The following QTMAN variants were observed in gnomAD, a reference collection of about 807,000 sequenced individuals.
QTMAN encodes tRNA-queuosine alpha-mannosyltransferase.
the QTMAN span, among the ~76,000 whole-genome samples, chr2:144,084,572 T>C: frequency 6.6e-6 from 1 of 152,220 alleles, no homozygotes; most frequent in Admixed American, 6.5e-5. Flanking sequence ...CCCATGATGC[T>C]TGTCCGCAAA....
chr2:144,238,627 T>G, the QTMAN span, among the ~76,000 whole-genome samples: 4 of 152,180 alleles, frequency 2.6e-5, no homozygotes, highest in Non-Finnish European at 5.9e-5. Context: ...CAATGAATCC[T>G]ATTCATTTAT....
chr2:144,042,685 A>G, the QTMAN span, among the ~76,000 whole-genome samples: 1 of 151,074 alleles, frequency 6.6e-6, no homozygotes. Context: ...AATGGCGTGA[A>G]CCCGGAAGGC....
the QTMAN span, among the ~76,000 whole-genome samples, chr2:144,268,233 T>C: frequency 3.3e-5 from 5 of 152,192 alleles, no homozygotes; most frequent in Admixed American, 2.6e-4. Context: ...GCCTGCTCCC[T>C]TTCTTCTGCC....
At chr2:143,976,407 G>A in the QTMAN span, among the ~76,000 whole-genome samples, 2 of 152,130 alleles carry the variant, frequency 1.3e-5, no homozygotes, top group Admixed American at 1.3e-4. Context: ...CTAATATTCT[G>A]CTAACCTTCA....
chr2:144,327,490 C>T, the QTMAN span, among the ~76,000 whole-genome samples: 6 of 152,144 alleles, frequency 3.9e-5, no homozygotes, highest in Non-Finnish European at 8.8e-5. Flanking sequence ...GGGAGACATC[C>T]TTAAGTGTCT....
the QTMAN span, chr2:143,938,195 C>G: frequency 6.6e-6 from 1 of 152,176 alleles, no homozygotes; most frequent in Non-Finnish European, 1.5e-5. Context: ...CACAAGTTCC[C>G]CTCCATGGCT....
chr2:144,011,652 A>T, the QTMAN span: 2 of 982,696 alleles, frequency 2.0e-6, no homozygotes, highest in South Asian at 9.4e-5. Flanking sequence ...AAAAAAAAAA[A>T]AAAAGGAAAT....
the QTMAN span, among the ~76,000 whole-genome samples, chr2:144,273,322 T>C: frequency 5.7e-4 from 87 of 152,210 alleles, no homozygotes; most frequent in Non-Finnish European, 9.1e-4. Context: ...CCCTAAGATG[T>C]TATTCCAACA....
chr2:144,142,022 AACTGAGTTGAATACAACC>A, the QTMAN span: 2 of 1,610,928 alleles, frequency 1.2e-6, no homozygotes, highest in Admixed American at 1.7e-5. Context: ...CCATATTAAA[AACTGAGTTGAATACAACC>A]ACATCAGCCA....
the QTMAN span, among the ~76,000 whole-genome samples, chr2:144,255,039 G>A: frequency 6.6e-6 from 1 of 152,166 alleles, no homozygotes; most frequent in Non-Finnish European, 1.5e-5. Context: ...TGGGCTCATA[G>A]GCAGACAGGA....
the QTMAN span, chr2:144,332,576 C>A: frequency 6.7e-6 from 1 of 149,372 alleles, no homozygotes; most frequent in South Asian, 2.1e-4. Flanking sequence ...CCTCGGCCTC[C>A]GGGCGCGTCA....
At chr2:144,171,214 G>T in the QTMAN span, among the ~76,000 whole-genome samples, 1 of 152,012 alleles carries the variant, frequency 6.6e-6, no homozygotes, top group African/African-American at 2.4e-5. Flanking sequence ...TTATTATCAC[G>T]TCTGGCTGCT....
At chr2:144,077,105 C>T in the QTMAN span, among the ~76,000 whole-genome samples, 2 of 150,226 alleles carry the variant, frequency 1.3e-5, no homozygotes, top group Admixed American at 6.6e-5. Flanking sequence ...TTTGCACTTT[C>T]ACAACTTGAG....
At chr2:143,983,726 G>A in the QTMAN span, among the ~76,000 whole-genome samples, 4 of 152,150 alleles carry the variant, frequency 2.6e-5, no homozygotes, top group South Asian at 8.3e-4. Flanking sequence ...GCCTGCCTCG[G>A]CCTCCCAAAG....
chr2:144,023,024 A>T, the QTMAN span, among the ~76,000 whole-genome samples: 7 of 152,122 alleles, frequency 4.6e-5, no homozygotes, highest in South Asian at 1.5e-3. Flanking sequence ...CATTATTTTA[A>T]AACCTACTTT....
the QTMAN span, among the ~76,000 whole-genome samples, chr2:144,247,854 T>C: frequency 6.6e-6 from 1 of 152,092 alleles, no homozygotes; most frequent in African/African-American, 2.4e-5. Flanking sequence ...ATTTTTTGTT[T>C]TTTGTTTTTG....
the QTMAN span, among the ~76,000 whole-genome samples, chr2:144,319,401 A>G: frequency 6.6e-6 from 1 of 152,146 alleles, no homozygotes; most frequent in Non-Finnish European, 1.5e-5. Flanking sequence ...ACCCAATACT[A>G]AAAGGTGATA....
the QTMAN span, among the ~76,000 whole-genome samples, chr2:144,180,639 T>C: frequency 6.6e-6 from 1 of 152,226 alleles, no homozygotes; most frequent in African/African-American, 2.4e-5. Context: ...TTGATGTGTT[T>C]CACATTTTTA....
At chr2:144,156,215 C>T in the QTMAN span, among the ~76,000 whole-genome samples, 4 of 152,072 alleles carry the variant, frequency 2.6e-5, no homozygotes, top group African/African-American at 7.2e-5. Flanking sequence ...GGCAAGTTCA[C>T]GACAGTTCTT....
Sources: gnomAD v4.1 joint callset for allele counts (sites outside exome capture counted in the v4.1 genomes callset) on GRCh38, gnomAD v4.1.1 for gene constraint, MANE v1.5 for transcripts, NCBI Gene and HGNC (gene_info 2026-07-23, HGNC 2026-07-21) for gene names.